Variants in SNAP91 observed in about 807,000 individuals in gnomAD.
SNAP91 encodes synaptosome associated protein 91, also known as clathrin coat assembly protein AP180.
SNAP91 carries 27 observed loss-of-function variants against 100.3 expected under a neutral mutation model. The observed-to-expected ratio is 0.27, with a 90% CI of 0.20 to 0.37. The LOEUF is 0.37. Among genes scored for constraint, SNAP91 ranks in the 10% least tolerant of loss-of-function variants. SNAP91 has a pLI of 1.00. For missense variants in SNAP91, 986 were observed against 1,123.7 expected, an observed-to-expected ratio of 0.88 and a Z score of 1.75; for synonymous variants, 404 against 398.6, an observed-to-expected ratio of 1.01 and a Z score of -0.16.
At chr6:83,642,466 T>G (rs964912656) in intron 7 of SNAP91, among the ~76,000 whole-genome samples, 1 of 152,226 alleles carries the variant, frequency 6.6e-6, no homozygotes, top group African/African-American at 2.4e-5. Context: ...TGCAATAGTT[T>G]GCTGAGAATG....
chr6:83,660,741 A>G (rs2098525701), intron 5 of SNAP91, among the ~76,000 whole-genome samples: 1 of 149,232 alleles, frequency 6.7e-6, no homozygotes, highest in Non-Finnish European at 1.5e-5. Flanking sequence ...CACCTCAATT[A>G]AAAAAAAAAT....
chr6:83,654,105 G>A (rs1021462010), intron 7 of SNAP91, among the ~76,000 whole-genome samples: 1 of 152,148 alleles, frequency 6.6e-6, no homozygotes, highest in Non-Finnish European at 1.5e-5. Flanking sequence ...AAAGTGTGGT[G>A]CTCTCTATGA....
chr6:83,690,776 C>A (rs766718844), intron 2 of SNAP91, among the ~76,000 whole-genome samples: 29 of 152,004 alleles, frequency 1.9e-4, no homozygotes, highest in Non-Finnish European at 4.4e-5. Flanking sequence ...TACTAAATAG[C>A]AGTCTAAAAA....
intron 2 of SNAP91, among the ~76,000 whole-genome samples, 177 bp from the exon 3 acceptor site, chr6:83,665,758 TATTA>T (rs1331461325): frequency 1.3e-5 from 2 of 152,126 alleles, no homozygotes; most frequent in Non-Finnish European, 2.9e-5. Flanking sequence ...CATGTACATA[TATTA>T]TTTACCCAAT....
chr6:83,684,776 T>A (rs1011726896), intron 2 of SNAP91, among the ~76,000 whole-genome samples: 3 of 152,296 alleles, frequency 2.0e-5, no homozygotes, highest in South Asian at 2.1e-4. Flanking sequence ...TGTTATTTTT[T>A]AAAAAATCAG....
At chr6:83,577,119 G>A (rs774928377) in intron 24 of SNAP91, among the ~76,000 whole-genome samples, 3 of 152,158 alleles carry the variant, frequency 2.0e-5, no homozygotes, top group Non-Finnish European at 2.9e-5. Flanking sequence ...ATTATACAGG[G>A]TGCTTGGGGA....
intron 7 of SNAP91, 49 bp from the exon 8 acceptor site, chr6:83,641,251 T>C (rs768499060): frequency 1.3e-5 from 11 of 820,910 alleles, no homozygotes; most frequent in Non-Finnish European, 1.8e-5. Context: ...TTATGTTCTA[T>C]TTTTTTCTAA....
intron 24 of SNAP91, among the ~76,000 whole-genome samples, chr6:83,579,672 C>T (rs1294254722): frequency 6.6e-6 from 1 of 152,164 alleles, no homozygotes; most frequent in African/African-American, 2.4e-5. Context: ...TCAGCTCTAG[C>T]CACTCATCTC....
chr6:83,578,112 A>G (rs1304026475), intron 24 of SNAP91, among the ~76,000 whole-genome samples: 1 of 151,974 alleles, frequency 6.6e-6, no homozygotes, highest in Admixed American at 6.6e-5. Flanking sequence ...TTTTTTATCC[A>G]TTCATCAAGT....
intron 6 of SNAP91, among the ~76,000 whole-genome samples, chr6:83,657,893 A>G (rs892331412): frequency 6.7e-6 from 1 of 149,590 alleles, no homozygotes; most frequent in Admixed American, 6.7e-5. Flanking sequence ...CAGCCTCCCA[A>G]GTAGCTAGGA....
intron 2 of SNAP91, among the ~76,000 whole-genome samples, chr6:83,698,999 A>G (rs1041224438): frequency 2.6e-4 from 39 of 152,214 alleles, no homozygotes; most frequent in African/African-American, 9.2e-4. Flanking sequence ...CAAATTACAG[A>G]TAAGGATTAT....
At chr6:83,557,632 C>A (rs576681043) in intron 28 of SNAP91, among the ~76,000 whole-genome samples, 7 of 152,134 alleles carry the variant, frequency 4.6e-5, no homozygotes, top group Admixed American at 4.6e-4. Flanking sequence ...TATGACTGCA[C>A]CACTGCACTT....
intron 16 of SNAP91, among the ~76,000 whole-genome samples, chr6:83,596,301 A>G (rs1582976565): frequency 1.3e-5 from 2 of 152,338 alleles, no homozygotes; most frequent in African/African-American, 4.8e-5. Flanking sequence ...CAAGGGATAG[A>G]GTAGGCCTAC....
intron 16 of SNAP91, among the ~76,000 whole-genome samples, chr6:83,595,847 C>A (rs1007723371): frequency 1.3e-5 from 2 of 152,134 alleles, no homozygotes; most frequent in Admixed American, 1.3e-4. Flanking sequence ...TGGCATGTCC[C>A]AAACTGAGTA....
At chr6:83,638,431 T>C (rs913038772) in intron 8 of SNAP91, among the ~76,000 whole-genome samples, 3 of 152,136 alleles carry the variant, frequency 2.0e-5, no homozygotes, top group Admixed American at 6.5e-5. Context: ...TAGCCACTGA[T>C]GCTTCCCTAA....
intron 2 of SNAP91, among the ~76,000 whole-genome samples, chr6:83,669,262 G>C (rs537724329): frequency 2.6e-5 from 4 of 151,780 alleles, no homozygotes; most frequent in Admixed American, 6.6e-5. Flanking sequence ...CTCATAAGTA[G>C]TTATTATATA....
At chr6:83,624,550 T>C (rs2096857582) in intron 8 of SNAP91, among the ~76,000 whole-genome samples, 1 of 152,092 alleles carries the variant, frequency 6.6e-6, no homozygotes, top group Non-Finnish European at 1.5e-5. Context: ...CCTTCTTTCC[T>C]CTTTCTTCTC....
chr6:83,599,320 G>A (rs570912241), intron 16 of SNAP91, among the ~76,000 whole-genome samples: 2 of 152,152 alleles, frequency 1.3e-5, no homozygotes, highest in South Asian at 4.2e-4. Flanking sequence ...AAGTGGACTG[G>A]AAACAAAAAA....
intron 16 of SNAP91, among the ~76,000 whole-genome samples, chr6:83,595,801 A>G (rs2094411617): frequency 6.6e-6 from 1 of 152,214 alleles, no homozygotes; most frequent in Non-Finnish European, 1.5e-5. Flanking sequence ...GCTCTAGGAC[A>G]TGCTACTGTC....
Sources: allele counts gnomAD v4.1 joint callset (sites outside exome capture counted in the v4.1 genomes callset), GRCh38; gene constraint gnomAD v4.1.1; transcripts MANE v1.5; gene names NCBI Gene and HGNC (gene_info 2026-07-23, HGNC 2026-07-21).